Variants in NAPG observed in about 807,000 individuals in gnomAD.
NAPG encodes the protein NSF attachment protein gamma, also known as gamma-soluble NSF attachment protein.
A neutral mutation model predicts 48.4 loss-of-function variants in NAPG; 25 were observed. That is an observed-to-expected ratio of 0.52 (90% CI 0.38 to 0.72). The LOEUF (loss-of-function observed/expected upper bound fraction) is 0.72, where lower values mean the gene tolerates loss of function less well. Ranked by LOEUF, NAPG falls within the 30% of genes least tolerant of loss-of-function variation. NAPG has a pLI of 0.00. For missense variants in NAPG, 359 were observed against 372.5 expected (o/e 0.96, Z 0.30); for synonymous variants, 139 against 127.2 (o/e 1.09, Z -0.62).
intron 8 of NAPG, among the ~76,000 whole-genome samples, chr18:10,541,099 G>A (rs998789611): frequency 6.6e-6 from 1 of 152,138 alleles, no homozygotes; most frequent in East Asian, 1.9e-4. Context: ...AATGACTGAT[G>A]AATCTATCCT....
Position 10,548,400 on chromosome 18 carries a change from C to T in NAPG, c.665+22C>T. Reference sequence around the variant, plus strand: ...ATAGGTAAGACGTTGTCTGGGCCCTCTTGACTTGCAGTGGCGACACCTCTG... The same window carrying T: ...ATAGGTAAGACGTTGTCTGGGCCCTTTTGACTTGCAGTGGCGACACCTCTG... On this transcript the variant is annotated intron_variant, in intron 10 of 11. Coordinates refer to ENST00000322897, the MANE Select transcript of NAPG (RefSeq NM_003826.3). This position sits in a 1 kb window ranked among gnomAD's most constrained non-coding sequence, Gnocchi z 4.4. 6.3e-7 allele frequency: 1 copy of T among 1,594,444 alleles called. No homozygotes were observed. The highest frequency in any genetic ancestry group is 8.6e-7 in the Non-Finnish European group (1 of 1,162,434).
At chr18:10,538,561 A>G (rs2032082766) in intron 5 of NAPG, among the ~76,000 whole-genome samples, 1 of 152,334 alleles carries the variant, frequency 6.6e-6, no homozygotes, top group African/African-American at 2.4e-5. Context: ...TGTTTAAAGA[A>G]TAAGAAGTGC....
rs1567891550 is a variant in NAPG at position 10,540,341 on chromosome 18, T to TTAC, written c.449_451dup (p.Leu150dup). The TTAC allele has an allele frequency of 6.2e-7, 1 of 1,613,786 alleles. No homozygotes were observed. The highest frequency in any genetic ancestry group is 8.5e-7 in the Non-Finnish European group (1 of 1,179,744). On this transcript the variant is annotated inframe_insertion, in exon 8 of 12. Coordinates refer to ENST00000322897, the MANE Select transcript of NAPG (RefSeq NM_003826.3). ...TTGATTCCTTCAGAATGAAGAACGC[T>TTAC]TACGACAGGCAGTTGAATTACTAGG...
intron 5 of NAPG, among the ~76,000 whole-genome samples, chr18:10,538,296 G>A (rs545733661): frequency 1.3e-5 from 2 of 152,268 alleles, no homozygotes; most frequent in South Asian, 2.1e-4. Flanking sequence ...GGGGAGAAGC[G>A]CCAGGAGGTG....
At chr18:10,526,879 G>GT (rs2031825509) in intron 1 of NAPG, 1 of 152,172 alleles carries the variant, frequency 6.6e-6, no homozygotes, top group Non-Finnish European at 1.5e-5. Flanking sequence ...TTATCTGGCA[G>GT]TTACAGTTAA....
In NAPG at chr18:10,545,369, T is replaced by C. The variant is rs948537138; in HGVS notation, c.507-957T>C. 3.3e-5 allele frequency among the ~76,000 whole-genome samples: 5 copies of C among 152,364 alleles called. No homozygotes were observed. The South Asian group carries it at 1.0e-3, about 32-fold the overall frequency. ...TATAGCATAACAAGCATAACATTTT[T>C]GTATTTTTACTTTGGTTTACAATAC... On this transcript the variant is annotated intron_variant, in intron 8 of 11. Transcript: ENST00000322897.
intron 11 of NAPG, 22 bp from the exon 12 acceptor site, chr18:10,550,055 G>C: frequency 6.6e-7 from 1 of 1,505,602 alleles, no homozygotes. Context: ...CAGCTTTTAA[G>C]AACATGTTCT....
At chr18:10,526,278 G>A (rs1778381065) in intron 1 of NAPG, 120 bp downstream of exon 1, 1 of 728,640 alleles carries the variant, frequency 1.4e-6, no homozygotes, top group Non-Finnish European at 2.3e-6. Context: ...TCGGCGCGCT[G>A]GTGCCCGCAG....
chr18:10,549,082 T>C lies in NAPG; in HGVS notation c.781T>C (p.Tyr261His). Residue 261 changes from tyrosine to histidine, a missense_variant, in exon 11 of 12, where the codon TAC becomes CAC. Transcript: ENST00000322897. ...TGTCTGCAACTCACCGCTTTTCAAG[T>C]ACATGGACAATGATGTAAGTGGACC... ...SDVCNSPLFK[Y>H]MDNDYAKLGL... 2 of 1,613,790 alleles carry C rather than the reference T, an allele frequency of 1.2e-6. No homozygotes were observed. Among genetic ancestry groups the C allele is most frequent in the Non-Finnish European group, 1.7e-6 (2 of 1,179,738 alleles).
rs905504205 is a variant in NAPG, at chr18:10,546,681, C to T, written c.585+277C>T. Among the ~76,000 whole-genome samples the T allele has an allele frequency of 7.9e-5, 12 of 152,190 alleles. No individual in the cohort carries two copies. Among genetic ancestry groups the T allele is most frequent in the Non-Finnish European group, 1.8e-4 (12 of 68,028 alleles). ...GGAGAGGAGCAAACACGTGGAGAAA[C>T]AACCACCATGGGAATGAGTTTCTCG... On this transcript the variant is annotated intron_variant, in intron 9 of 11. Transcript: ENST00000322897. The surrounding 1 kb of genome is among the most constrained non-coding windows in gnomAD (Gnocchi z 4.0).
chr18:10,546,199 G>A lies in NAPG; in HGVS notation c.507-127G>A, dbSNP rs2032262166. 4 of 494,598 alleles carry A rather than the reference G, an allele frequency of 8.1e-6. No homozygotes were observed. Among genetic ancestry groups the A allele is most frequent in the Non-Finnish European group, 1.4e-5 (4 of 285,966 alleles). The allele number at this position is 494,598 out of a possible 1,614,324, so 30.6% of individuals were successfully genotyped here. On this transcript the variant is annotated intron_variant, in intron 8 of 11. Transcript: ENST00000322897. The surrounding 1 kb of genome is among the most constrained non-coding windows in gnomAD (Gnocchi z 4.0). ...GAGCATGTGGAAACCTGGGTCCTGG[G>A]GCAGCTGCTAATAATACCTGTCCTC...
At chr18:10,540,694 G>A in intron 8 of NAPG, 1 of 255,386 alleles carries the variant, frequency 3.9e-6, no homozygotes, top group African/African-American at 2.2e-5. Context: ...TTACTTGGTT[G>A]GATTATAATA....
chr18:10,549,827 T>C lies in NAPG; in HGVS notation c.796-250T>C, dbSNP rs552137290. On this transcript the variant is annotated intron_variant, in intron 11 of 11. Transcript: ENST00000322897. ...TCTAAATAACGTCTTACATAGGTTTTGAAAATATATATATTTCTAAAGTTT... is the reference window on the plus strand; with the variant it reads ...TCTAAATAACGTCTTACATAGGTTTCGAAAATATATATATTTCTAAAGTTT... Among the ~76,000 whole-genome samples, 18 of 152,244 alleles carry C rather than the reference T, an allele frequency of 1.2e-4. No individual in the cohort carries two copies. In the South Asian group the frequency reaches 3.7e-3, roughly 32 times the overall value.
intron 11 of NAPG, among the ~76,000 whole-genome samples, chr18:10,549,332 A>G (rs2032336880): frequency 1.3e-5 from 2 of 152,332 alleles, no homozygotes; most frequent in South Asian, 2.1e-4. Context: ...TCTGTTGACC[A>G]TATACATATT....
At chr18:10,526,238 G>GCCTTACCCC in intron 1 of NAPG, 80 bp downstream of exon 1, 2 of 858,064 alleles carry the variant, frequency 2.3e-6, no homozygotes, top group Non-Finnish European at 1.9e-6. Flanking sequence ...CCCGGGGGGG[G>GCCTTACCCC]CGGGAGGGAG....
intron 5 of NAPG, among the ~76,000 whole-genome samples, chr18:10,538,545 G>T (rs2032082594): frequency 6.6e-6 from 1 of 152,160 alleles, no homozygotes; most frequent in Admixed American, 6.5e-5. Context: ...GTAGGGACTT[G>T]GTAAATGTTT....
In NAPG at chr18:10,544,012, C is replaced by A. The variant is rs1450343294; in HGVS notation, c.507-2314C>A. Among the ~76,000 whole-genome samples the A allele has an allele frequency of 3.9e-5, 6 of 152,110 alleles. No homozygotes were observed. The East Asian group carries it at 9.6e-4, about 24-fold the overall frequency. On this transcript the variant is annotated intron_variant, in intron 8 of 11. Coordinates refer to ENST00000322897, the MANE Select transcript of NAPG (RefSeq NM_003826.3). This position sits in a 1 kb window ranked among gnomAD's most constrained non-coding sequence, Gnocchi z 5.1. ...ATAAACAGTTTATGCGTAAAGAATG[C>A]ACCCTTTATAGTTAAATATATGAAA...
chr18:10,549,027 T>A lies in NAPG; in HGVS notation c.726T>A (p.Tyr242Ter). ...CAALEQLLEG[Y>*]DQQDQDQVSD... The stretch of plus-strand genomic sequence containing the variant: ...CCCTGGAACAGCTTCTTGAAGGTTA[T>A]GACCAGCAAGACCAAGATCAGGTGT... Residue 242 changes from tyrosine (Y) to a stop codon, truncating the protein, a stop_gained, in exon 11 of 12, where the codon TAT (tyrosine) becomes TAA (stop). Transcript: ENST00000322897. LOFTEE classifies it high-confidence loss of function. 6.2e-7 allele frequency: 1 copy of A among 1,613,998 alleles called. No individual in the cohort carries two copies. The highest frequency in any genetic ancestry group is 8.5e-7 in the Non-Finnish European group (1 of 1,179,856).
At chr18:10,527,201 A>AAG (rs1424632811) in intron 1 of NAPG, among the ~76,000 whole-genome samples, 13,472 of 149,136 alleles carry the variant, frequency 0.09, 860 homozygotes, top group East Asian at 0.22. Context: ...AAAAAAAAAA[A>AAG]AAAAGAAAAG....
Sources: allele counts gnomAD v4.1 joint callset (sites outside exome capture counted in the v4.1 genomes callset), GRCh38; gene constraint gnomAD v4.1.1; non-coding constraint Gnocchi (gnomAD v3.1); transcripts MANE v1.5; gene names NCBI Gene and HGNC (gene_info 2026-07-23, HGNC 2026-07-21).